Variants in CBLC observed in about 807,000 individuals in gnomAD.
CBLC encodes Cbl proto-oncogene C.
Under a neutral mutation model 58.6 loss-of-function variants are expected in CBLC, and 46 were observed. The ratio of observed to expected loss-of-function variants is 0.79; its 90% CI spans 0.62 to 1.00. The LOEUF (loss-of-function observed/expected upper bound fraction) is 1.00. CBLC is among the 50% of genes least tolerant of loss of function. The pLI is 0.00. For synonymous variants in CBLC, 271 were observed against 264.2 expected (o/e 1.03, Z -0.25); for missense variants, 655 against 625.8 (o/e 1.05, Z -0.50).
At chr19:44,782,533 A>G (rs765187360) in intron 4 of CBLC, 42 bp downstream of exon 4, 4 of 1,555,722 alleles carry the variant, frequency 2.6e-6, no homozygotes, top group Admixed American at 3.4e-5. Context: ...TGCAGGGCTC[A>G]GGGATCTGGG....
intron 5 of CBLC, among the ~76,000 whole-genome samples, chr19:44,787,768 G>T (rs528152647): frequency 1.4e-5 from 2 of 147,912 alleles, no homozygotes; most frequent in Non-Finnish European, 3.0e-5. Context: ...AGTGAGCCGA[G>T]ATCACGCCAT....
chr19:44,786,243 A>G (rs1967903902), intron 5 of CBLC, among the ~76,000 whole-genome samples: 2 of 151,832 alleles, frequency 1.3e-5, no homozygotes, highest in South Asian at 4.2e-4. Flanking sequence ...GGGTCACCAC[A>G]TTTTTGTCAA....
intron 1 of CBLC, among the ~76,000 whole-genome samples, chr19:44,778,524 C>T (rs867688956): frequency 0.35 from 377 of 1,076 alleles, 170 homozygotes; most frequent in African/African-American, 0.89. Context: ...CAGGCCCCCA[C>T]CCCCTCCTCC....
At chr19:44,788,379 G>C (rs1967964801) in intron 5 of CBLC, among the ~76,000 whole-genome samples, 1 of 151,520 alleles carries the variant, frequency 6.6e-6, no homozygotes, top group Admixed American at 6.6e-5. Flanking sequence ...TCCCGCCTCA[G>C]CCTCTCAGAG....
In CBLC at chr19:44,791,698, C is replaced by T. The variant is rs553068630; in HGVS notation, c.1006-685C>T. Among the ~76,000 whole-genome samples the T allele has an allele frequency of 1.7e-4, 26 of 149,674 alleles. No individual in the cohort carries two copies. The South Asian group carries it at 4.9e-3, about 28-fold the overall frequency. On this transcript the variant is annotated intron_variant, in intron 6 of 10. Transcript: ENST00000647358. The stretch of plus-strand genomic sequence containing the variant: ...AGTGAGCCAAGATCGCGCCACTGCA[C>T]TCCAGCCTGGGCAACAGAGCAAGAC...
At chr19:44,792,671 C>T (rs1968085922) in intron 7 of CBLC, among the ~76,000 whole-genome samples, 157 bp downstream of exon 7, 1 of 152,202 alleles carries the variant, frequency 6.6e-6, no homozygotes, top group South Asian at 2.1e-4. Flanking sequence ...GGCTGTCTTT[C>T]CCAGGGCCTC....
intron 1 of CBLC, among the ~76,000 whole-genome samples, chr19:44,779,366 T>A (rs1194645609): frequency 6.6e-6 from 1 of 151,964 alleles, no homozygotes; most frequent in Non-Finnish European, 1.5e-5. Flanking sequence ...ACCCACTTGG[T>A]CTTTAGTTCC....
chr19:44,792,878 G>C (rs1968090285), intron 7 of CBLC, among the ~76,000 whole-genome samples: 1 of 152,144 alleles, frequency 6.6e-6, no homozygotes, highest in Admixed American at 6.5e-5. Flanking sequence ...TGGGCACGGT[G>C]GCTCACGCCT....
intron 1 of CBLC, among the ~76,000 whole-genome samples, chr19:44,780,160 G>A (rs1010872803): frequency 1.3e-5 from 2 of 150,384 alleles, no homozygotes; most frequent in East Asian, 3.9e-4. Flanking sequence ...TTTTAGACAT[G>A]GTCTCACTCT....
At chr19:44,796,905 G>A (rs1968189912) in intron 9 of CBLC, among the ~76,000 whole-genome samples, 1 of 150,002 alleles carries the variant, frequency 6.7e-6, no homozygotes, top group South Asian at 2.2e-4. Flanking sequence ...GCAGGAAGCG[G>A]GGCGGTGGGG....
intron 5 of CBLC, among the ~76,000 whole-genome samples, chr19:44,784,639 A>C (rs558576153): frequency 1.3e-5 from 2 of 152,038 alleles, no homozygotes; most frequent in Non-Finnish European, 2.9e-5. Flanking sequence ...CTCCGAGGAG[A>C]AGTGTGTGGG....
chr19:44,778,043 T>C lies in CBLC; in HGVS notation c.112T>C (p.Ser38Pro), dbSNP rs1967614077. 6 of 1,609,040 alleles carry C rather than the reference T, an allele frequency of 3.7e-6. No individual in the cohort carries two copies. Among genetic ancestry groups the C allele is most frequent in the Non-Finnish European group, 5.1e-6 (6 of 1,179,644 alleles). Residue 38 changes from serine (S) to proline (P), a missense_variant, in exon 1 of 11, where the codon TCC (serine) becomes CCC (proline). Ser to Pro is a moderately conservative substitution (Grantham distance 74, BLOSUM62 -1). Coordinates refer to ENST00000647358, the MANE Select transcript of CBLC (RefSeq NM_012116.4). ...LEEQCVDPRLSVSPPSLRDLL... is the reference protein window; with the variant it reads ...LEEQCVDPRLPVSPPSLRDLL... ...AGAGCAATGCGTCGACCCCCGGCTGTCCGTGAGTCCCCCTTCGCTGCGGGA... is the reference window on the plus strand; with the variant it reads ...AGAGCAATGCGTCGACCCCCGGCTGCCCGTGAGTCCCCCTTCGCTGCGGGA...
intron 9 of CBLC, among the ~76,000 whole-genome samples, chr19:44,800,077 A>G (rs73572006): frequency 0.11 from 16,586 of 152,138 alleles, 1,144 homozygotes; most frequent in African/African-American, 0.19. Context: ...GTCCTGTCAG[A>G]TGGTGGCCGC....
chr19:44,795,956 C>T (rs551272078), intron 9 of CBLC, among the ~76,000 whole-genome samples: 1 of 152,296 alleles, frequency 6.6e-6, no homozygotes, highest in African/African-American at 2.4e-5. Context: ...TGGCTTATGC[C>T]TGTAATCCCA....
chr19:44,784,166 T>G, intron 4 of CBLC, 98 bp from the exon 5 acceptor site: 1 of 1,185,282 alleles, frequency 8.4e-7, no homozygotes, highest in African/African-American at 1.5e-5. Flanking sequence ...GGTGAGGACC[T>G]AGACACCTGG....
intron 5 of CBLC, among the ~76,000 whole-genome samples, chr19:44,786,993 G>A (rs546937674): frequency 1.1e-4 from 17 of 152,096 alleles, no homozygotes; most frequent in Non-Finnish European, 1.6e-4. Context: ...AGGCTGAGAC[G>A]AGAATTGCTT....
chr19:44,789,414 T>C (rs1268726518), intron 5 of CBLC, among the ~76,000 whole-genome samples: 1 of 152,044 alleles, frequency 6.6e-6, no homozygotes, highest in African/African-American at 2.4e-5. Flanking sequence ...TTTCCCTTTT[T>C]TTTTTTTGAG....
At chr19:44,790,696 A>G (rs1215890270) in intron 6 of CBLC, among the ~76,000 whole-genome samples, 1 of 152,134 alleles carries the variant, frequency 6.6e-6, no homozygotes, top group Non-Finnish European at 1.5e-5. Context: ...TCCACCTCCC[A>G]AAGTGCTGGG....
At chr19:44,796,845 A>G (rs1345184143) in intron 9 of CBLC, among the ~76,000 whole-genome samples, 1 of 151,240 alleles carries the variant, frequency 6.6e-6, no homozygotes, top group Non-Finnish European at 1.5e-5. Context: ...TCAAACAAAC[A>G]GCTCAGGAAG....
Sources: allele counts gnomAD v4.1 joint callset (sites outside exome capture counted in the v4.1 genomes callset), GRCh38; gene constraint gnomAD v4.1.1; transcripts MANE v1.5; gene names NCBI Gene and HGNC (gene_info 2026-07-23, HGNC 2026-07-21).